Variants in HMCN1 observed in about 807,000 individuals in gnomAD.
HMCN1 encodes hemicentin-1.
HMCN1 carries 321 observed loss-of-function variants against 625.9 expected under a neutral mutation model. That is an observed-to-expected ratio of 0.51 (90% CI 0.47 to 0.56). The LOEUF is 0.56. Among genes scored for constraint, HMCN1 ranks in the 20% least tolerant of loss-of-function variants. The pLI is 0.00. For missense variants in HMCN1, 6,588 were observed against 6,887.3 expected (o/e 0.96, Z 1.54); for synonymous variants, 2,425 against 2,417.6 (o/e 1.00, Z -0.09).
chr1:186,020,056 T>C lies in HMCN1; in HGVS notation c.5625+361T>C, dbSNP rs146446281. ...AGTAAAATTAAGATACAGTCATATT[T>C]ACATAAATGTAGGTAACATAAGTCT... On this transcript the variant is annotated intron_variant, in intron 35 of 106. Transcript: ENST00000271588. Among the ~76,000 whole-genome samples the C allele has an allele frequency of 2.6e-3, 398 of 152,164 alleles. 3 individuals are homozygous for C. The highest frequency in any genetic ancestry group is 9.1e-3 in the African/African-American group (378 of 41,548).
intron 1 of HMCN1, among the ~76,000 whole-genome samples, chr1:185,824,975 T>C (rs542845085): frequency 1.3e-5 from 2 of 152,274 alleles, no homozygotes; most frequent in Admixed American, 6.5e-5. Flanking sequence ...AGCATTGATA[T>C]CTAATGATTA....
intron 4 of HMCN1, among the ~76,000 whole-genome samples, chr1:185,875,013 TAATA>T (rs1407949695): frequency 1.3e-5 from 2 of 151,774 alleles, no homozygotes; most frequent in Non-Finnish European, 2.9e-5. Context: ...TAAATTTAAA[TAATA>T]AATAAAAACA....
chr1:185,837,831 G>A (rs1487708383), intron 1 of HMCN1, among the ~76,000 whole-genome samples: 1 of 152,078 alleles, frequency 6.6e-6, no homozygotes, highest in African/African-American at 2.4e-5. Flanking sequence ...GTTAGCTGTA[G>A]GCACCATCTG....
chr1:185,873,839 T>C (rs1303400601), intron 4 of HMCN1, among the ~76,000 whole-genome samples: 1 of 152,046 alleles, frequency 6.6e-6, no homozygotes, highest in Non-Finnish European at 1.5e-5. Context: ...CCAAGGTAAT[T>C]GGCTGTTGTT....
chr1:185,930,911 C>T (rs1667512163), intron 10 of HMCN1, among the ~76,000 whole-genome samples: 1 of 139,618 alleles, frequency 7.2e-6, no homozygotes, highest in Non-Finnish European at 1.5e-5. Flanking sequence ...ACCCAATACA[C>T]ACACACACAC....
In HMCN1 at chr1:186,055,688, G is replaced by T; in HGVS notation, c.7144+14G>T. The T allele has an allele frequency of 1.2e-6, 2 of 1,611,592 alleles. No homozygotes were observed. Among genetic ancestry groups the T allele is most frequent in the Non-Finnish European group, 1.7e-6 (2 of 1,178,242 alleles). On this transcript the variant is annotated intron_variant, in intron 45 of 106. Transcript: ENST00000271588. ...TAAGTGTCCATGGTAAGTAGAAAGA[G>T]GCTCAATATGTCCATTCACTGGCTA...
chr1:185,925,814 A>G (rs1421319744), intron 9 of HMCN1, among the ~76,000 whole-genome samples: 1 of 152,202 alleles, frequency 6.6e-6, no homozygotes, highest in African/African-American at 2.4e-5. Context: ...AGCAAGTGCA[A>G]ATGCATGAAG....
Position 185,923,591 on chromosome 1 carries a change from A to G in HMCN1, c.1223A>G (p.Tyr408Cys), listed in dbSNP as rs1245900443. 12 of 1,607,274 alleles carry G rather than the reference A, an allele frequency of 7.5e-6. No individual in the cohort carries two copies. The highest frequency in any genetic ancestry group is 1.7e-4 in the Middle Eastern group (1 of 6,056). Residue 408 changes from tyrosine (Y) to cysteine (C), a missense_variant, in exon 8 of 107, where the codon TAT becomes TGT. Around this residue, in one of 3 missense-constraint regions of HMCN1, gnomAD observed 4,628 missense variants for 4,853.1 expected, o/e 0.95. Coordinates refer to ENST00000271588, the MANE Select transcript of HMCN1 (RefSeq NM_031935.3). Reference protein sequence around the residue: ...NEAFFLKVTGYDKDDYLFQRV... With the variant: ...NEAFFLKVTGCDKDDYLFQRV... ...GCTTTCTTTCTCAAAGTAACAGGCT[A>G]TGATAAAGATGATTACCTCTTCCAG...
At chr1:186,038,122 C>A in intron 37 of HMCN1, 87 bp downstream of exon 37, 1 of 806,208 alleles carries the variant, frequency 1.2e-6, no homozygotes, top group East Asian at 2.5e-5. Context: ...ATACTAATTA[C>A]TAGTAAAGAA....
intron 50 of HMCN1, among the ~76,000 whole-genome samples, chr1:186,069,270 A>C (rs1658332605): frequency 6.6e-6 from 1 of 152,232 alleles, no homozygotes; most frequent in Non-Finnish European, 1.5e-5. Flanking sequence ...TTTAAGAAGG[A>C]TAGGACCAAA....
intron 29 of HMCN1, among the ~76,000 whole-genome samples, chr1:186,006,504 T>G (rs1195059853): frequency 6.6e-6 from 1 of 152,114 alleles, no homozygotes; most frequent in Non-Finnish European, 1.5e-5. Flanking sequence ...TAAATGACTC[T>G]GTATAGTAGA....
In HMCN1 at chr1:185,965,919, C is replaced by T. The variant is rs764953035; in HGVS notation, c.2212+4C>T. ...CCTCAAGTTAAATGGTTCAAAGGTA[C>T]ATTTCTTCAATATGTTTGTGTCTGG... On this transcript the variant is annotated splice_donor_region_variant and intron_variant, in intron 14 of 106. Coordinates refer to ENST00000271588, the MANE Select transcript of HMCN1 (RefSeq NM_031935.3). The T allele has an allele frequency of 7.0e-6, 10 of 1,433,460 alleles. No homozygotes were observed. Among genetic ancestry groups the T allele is most frequent in the Admixed American group, 1.7e-5 (1 of 59,746 alleles). 88.8% of individuals were successfully genotyped at this position (1,433,460 alleles called of 1,614,324 possible).
chr1:186,171,046 G>A (rs535518364), intron 100 of HMCN1, among the ~76,000 whole-genome samples: 3 of 152,310 alleles, frequency 2.0e-5, no homozygotes, highest in African/African-American at 7.2e-5. Context: ...TGGAACTTCC[G>A]AGAAACAGGA....
chr1:185,967,097 A>C (rs1258311122), intron 14 of HMCN1, among the ~76,000 whole-genome samples: 1 of 152,206 alleles, frequency 6.6e-6, no homozygotes, highest in African/African-American at 2.4e-5. Flanking sequence ...TCAAATTTAC[A>C]TCATAATTAA....
rs1571602726 is a variant in HMCN1 at position 185,949,188 on chromosome 1, G to C, written c.1829-13330G>C. 2.6e-5 allele frequency among the ~76,000 whole-genome samples: 4 copies of C among 151,962 alleles called. No homozygotes were observed. The East Asian group carries it at 7.7e-4, about 29-fold the overall frequency. On this transcript the variant is annotated intron_variant, in intron 11 of 106. Coordinates refer to ENST00000271588, the MANE Select transcript of HMCN1 (RefSeq NM_031935.3). ...GATAGCACCAGGAGATATCAGCTGT[G>C]ATGGCTTGGAAAAACAGTGTAAACC...
At chr1:186,005,064 T>G (rs1248093908) in intron 29 of HMCN1, among the ~76,000 whole-genome samples, 1 of 152,026 alleles carries the variant, frequency 6.6e-6, no homozygotes, top group Non-Finnish European at 1.5e-5. Flanking sequence ...ATAAACATTT[T>G]TGTTTATAAA....
At chr1:186,035,419 G>A (rs574985591) in intron 36 of HMCN1, among the ~76,000 whole-genome samples, 1 of 152,088 alleles carries the variant, frequency 6.6e-6, no homozygotes, top group South Asian at 2.1e-4. Flanking sequence ...CTTTGATTTT[G>A]TTTGTTTTCT....
intron 11 of HMCN1, among the ~76,000 whole-genome samples, chr1:185,943,842 A>G (rs1031258444): frequency 1.3e-5 from 2 of 152,110 alleles, no homozygotes; most frequent in Admixed American, 1.3e-4. Context: ...ACCCATCCTA[A>G]TGCTATCTAA....
intron 36 of HMCN1, 66 bp from the exon 37 acceptor site, chr1:186,037,868 G>A (rs1655939206): frequency 1.0e-6 from 1 of 962,546 alleles, no homozygotes; most frequent in Non-Finnish European, 1.7e-6. Context: ...AATTTTAATT[G>A]AGCAAACAAT....
Sources: gnomAD v4.1 joint callset for allele counts (sites outside exome capture counted in the v4.1 genomes callset) on GRCh38, gnomAD v4.1.1 for gene constraint, gnomAD v4.1.1 regional missense constraint, MANE v1.5 for transcripts, NCBI Gene and HGNC (gene_info 2026-07-23, HGNC 2026-07-21) for gene names.